The following GALNT13 variants were observed in gnomAD, a reference collection of about 807,000 sequenced individuals.
GALNT13 encodes polypeptide N-acetylgalactosaminyltransferase 13, also known as UDP-GalNAc:polypeptide N-acetylgalactosaminyltransferase 13.
A neutral mutation model predicts 64.2 loss-of-function variants in GALNT13; 28 were observed. The ratio of observed to expected loss-of-function variants is 0.44; its 90% CI spans 0.32 to 0.60. The LOEUF is 0.60. GALNT13 is among the 20% of genes least tolerant of loss of function. The pLI is 0.05. For missense variants in GALNT13, 577 were observed against 669.8 expected, an observed-to-expected ratio of 0.86 and a Z score of 1.53; for synonymous variants, 214 against 224.6, an observed-to-expected ratio of 0.95 and a Z score of 0.42.
the GALNT13 span, among the ~76,000 whole-genome samples, chr2:153,564,704 T>C: frequency 6.6e-6 from 1 of 152,140 alleles, no homozygotes; most frequent in South Asian, 2.1e-4. Flanking sequence ...AAAGTGGTCT[T>C]TGGAAAATAA....
At chr2:154,389,358 T>C (rs707045) in intron 9 of GALNT13, among the ~76,000 whole-genome samples, 62,624 of 152,026 alleles carry the variant, frequency 0.41, 13,479 homozygotes, top group African/African-American at 0.54. Flanking sequence ...ACGCTGGTGT[T>C]GAACTCCTGG....
At chr2:154,350,371 C>A (rs1259272264) in intron 9 of GALNT13, among the ~76,000 whole-genome samples, 4 of 152,178 alleles carry the variant, frequency 2.6e-5, no homozygotes, top group Non-Finnish European at 4.4e-5. Flanking sequence ...ACTCTTCTGG[C>A]CTTCATCTTT....
the GALNT13 span, among the ~76,000 whole-genome samples, chr2:153,408,312 T>A: frequency 2.0e-5 from 3 of 151,896 alleles, no homozygotes; most frequent in African/African-American, 7.3e-5. Context: ...GCAGAAGAGC[T>A]GACAAGATGA....
intron 12 of GALNT13, among the ~76,000 whole-genome samples, chr2:154,447,312 T>C (rs1295075409): frequency 1.3e-5 from 2 of 151,980 alleles, no homozygotes; most frequent in African/African-American, 4.8e-5. Context: ...TTTTAATACC[T>C]TTATAAAGAA....
In GALNT13 at chr2:154,032,761, A is replaced by G. The variant is rs185931279; in HGVS notation, c.142+88122A>G. 1.4e-4 allele frequency among the ~76,000 whole-genome samples: 21 copies of G among 151,978 alleles called. No homozygotes were observed. The East Asian group carries it at 4.1e-3, about 29-fold the overall frequency. On this transcript the variant is annotated intron_variant, in intron 3 of 12. Transcript: ENST00000392825. ...AATAGGAAGATAATTCGTTAACCTTAAATAAGACACTTATTATAGAAATAA... is the reference window on the plus strand; with the variant it reads ...AATAGGAAGATAATTCGTTAACCTTGAATAAGACACTTATTATAGAAATAA...
At position 154,335,678 on chromosome 2, in the gene GALNT13, T is replaced by C. The variant is rs1025878426; in HGVS notation, c.1156+34089T>C. On this transcript the variant is annotated intron_variant, in intron 9 of 12. Coordinates refer to ENST00000392825, the MANE Select transcript of GALNT13 (RefSeq NM_052917.4). ...TGTTAGAAGTTATATTTATGCTTCA[T>C]TAATTATAACGCGTAATATTATAGG... Among the ~76,000 whole-genome samples the C allele has an allele frequency of 2.6e-5, 4 of 152,166 alleles. No homozygotes were observed. In the South Asian group the frequency reaches 6.2e-4, roughly 24 times the overall value.
the GALNT13 span, among the ~76,000 whole-genome samples, chr2:153,656,718 AG>A: frequency 6.6e-6 from 1 of 152,082 alleles, no homozygotes; most frequent in Admixed American, 6.6e-5. Flanking sequence ...GTCAAGAAAA[AG>A]TTCTATCATG....
At chr2:154,430,820 C>T (rs901885855) in intron 11 of GALNT13, among the ~76,000 whole-genome samples, 1 of 152,130 alleles carries the variant, frequency 6.6e-6, no homozygotes, top group Admixed American at 6.5e-5. Context: ...CAGTCTGCAG[C>T]CATCAGCATT....
chr2:153,522,094 G>T, the GALNT13 span, among the ~76,000 whole-genome samples: 1 of 152,024 alleles, frequency 6.6e-6, no homozygotes, highest in Non-Finnish European at 1.5e-5. Context: ...CAGCTCTTTG[G>T]GAGGCCGTGG....
chr2:153,208,973 C>CTTTTTTTTTT, the GALNT13 span, among the ~76,000 whole-genome samples: 138 of 74,672 alleles, frequency 1.8e-3, 14 homozygotes, highest in African/African-American at 2.8e-3. Context: ...TGGTTTTGGT[C>CTTTTTTTTTT]TTTTTTTTTT....
intron 12 of GALNT13, among the ~76,000 whole-genome samples, chr2:154,449,426 C>CA (rs201483247): frequency 0.24 from 24,268 of 102,884 alleles, 2,595 homozygotes; most frequent in Non-Finnish European, 0.31. Context: ...TATCATGAGC[C>CA]AAAAAAAAAA....
the GALNT13 span, among the ~76,000 whole-genome samples, chr2:153,764,408 T>C: frequency 6.6e-6 from 1 of 152,146 alleles, no homozygotes; most frequent in East Asian, 1.9e-4. Flanking sequence ...TGTTGGCACA[T>C]GCCTGTAATC....
Position 154,450,392 on chromosome 2 carries a change from T to C in GALNT13, c.1531-19T>C. On this transcript the variant is annotated intron_variant, in intron 12 of 12. Coordinates refer to ENST00000392825, the MANE Select transcript of GALNT13 (RefSeq NM_052917.4). ...TAAAGACGAAATAAGCTGCACTGAT[T>C]ATTGGTTATCTTTTACAGAGACTCA... is the stretch of plus-strand genomic sequence containing the variant. 1 of 1,600,626 alleles carries C rather than the reference T, an allele frequency of 6.2e-7. No homozygotes were observed. Among genetic ancestry groups the C allele is most frequent in the Non-Finnish European group, 8.5e-7 (1 of 1,174,088 alleles).
the GALNT13 span, among the ~76,000 whole-genome samples, chr2:153,449,298 G>C: frequency 6.6e-6 from 1 of 152,154 alleles, no homozygotes; most frequent in Non-Finnish European, 1.5e-5. Context: ...TCAACAGTTT[G>C]AGGACAGGAG....
chr2:154,210,045 T>G (rs1428650242), intron 4 of GALNT13, among the ~76,000 whole-genome samples: 1 of 152,194 alleles, frequency 6.6e-6, no homozygotes, highest in African/African-American at 2.4e-5. Context: ...TTCTCCTCTC[T>G]GAGTTTGAAT....
the GALNT13 span, among the ~76,000 whole-genome samples, chr2:153,800,045 GCTCTCT>G: frequency 0.016 from 1,888 of 118,980 alleles, 39 homozygotes; most frequent in African/African-American, 0.04. Context: ...CATTTAGTTT[GCTCTCT>G]CTCTCTCTCT....
At chr2:153,836,772 C>T in the GALNT13 span, among the ~76,000 whole-genome samples, 1 of 150,486 alleles carries the variant, frequency 6.6e-6, no homozygotes, top group African/African-American at 2.5e-5. Context: ...GTTTTTTGTC[C>T]TTGCGATAGT....
chr2:153,102,186 C>T, the GALNT13 span, among the ~76,000 whole-genome samples: 2 of 151,944 alleles, frequency 1.3e-5, no homozygotes, highest in Non-Finnish European at 2.9e-5. Flanking sequence ...TGCTCTGTCT[C>T]CCTCTTTCTC....
At chr2:154,155,756 A>C (rs1684376821) in intron 4 of GALNT13, among the ~76,000 whole-genome samples, 1 of 151,932 alleles carries the variant, frequency 6.6e-6, no homozygotes, top group Non-Finnish European at 1.5e-5. Context: ...TAAATTAGAA[A>C]ATTTATATTT....
Sources: gnomAD v4.1 joint callset for allele counts (sites outside exome capture counted in the v4.1 genomes callset) on GRCh38, gnomAD v4.1.1 for gene constraint, MANE v1.5 for transcripts, NCBI Gene and HGNC (gene_info 2026-07-23, HGNC 2026-07-21) for gene names.